The following PEAK1 variants were observed in gnomAD, a reference collection of about 807,000 sequenced individuals.
PEAK1 encodes the protein inactive tyrosine-protein kinase PEAK1.
PEAK1 carries 54 observed loss-of-function variants against 124.7 expected under a neutral mutation model. That is an observed-to-expected ratio of 0.43 (90% CI 0.35 to 0.54). The LOEUF (loss-of-function observed/expected upper bound fraction) is 0.54, where lower values mean the gene tolerates loss of function less well. PEAK1 is among the 20% of genes least tolerant of loss of function. The pLI is 0.01. For synonymous variants in PEAK1, 719 were observed against 760.0 expected, an observed-to-expected ratio of 0.95 and a Z score of 0.89; for missense variants, 2,046 against 2,134.5, an observed-to-expected ratio of 0.96 and a Z score of 0.82.
intron 6 of PEAK1, among the ~76,000 whole-genome samples, chr15:77,212,750 G>C (rs927475399): frequency 5.3e-5 from 8 of 152,126 alleles, no homozygotes; most frequent in African/African-American, 1.9e-4. Flanking sequence ...TATCTCAAAA[G>C]TCCTATGAAA....
chr15:77,350,393 G>GCAAGGACTATCACTGAA, intron 2 of PEAK1: 1 of 985,322 alleles, frequency 1.0e-6, no homozygotes, highest in South Asian at 4.7e-5. Flanking sequence ...TTTGTGCTCA[G>GCAAGGACTATCACTGAA]CAAGGACTAT....
In PEAK1 at chr15:77,255,980, G is replaced by A. The variant is rs566221473; in HGVS notation, c.-274-3454C>T. On this transcript the variant is annotated intron_variant, in intron 5 of 9. Coordinates refer to ENST00000682557, the MANE Select transcript of PEAK1 (RefSeq NM_001385026.1). ...TAGACACAGGTAATGCAGAAAAGAAGCTATTGTCTCAAGATTGTGAACTAA... is the reference window on the plus strand; with the variant it reads ...TAGACACAGGTAATGCAGAAAAGAAACTATTGTCTCAAGATTGTGAACTAA... Among the ~76,000 whole-genome samples, 66 of 152,212 alleles carry A rather than the reference G, an allele frequency of 4.3e-4. 1 individual carries two copies. In the South Asian group the frequency reaches 0.013, roughly 30 times the overall value.
At chr15:77,169,539 T>C (rs1395395742) in intron 7 of PEAK1, among the ~76,000 whole-genome samples, 1 of 152,100 alleles carries the variant, frequency 6.6e-6, no homozygotes, top group East Asian at 1.9e-4. Context: ...CCACTAAAAA[T>C]GGTATTTGTC....
chr15:77,414,701 T>C (rs1395749932), intron 1 of PEAK1, among the ~76,000 whole-genome samples: 1 of 152,222 alleles, frequency 6.6e-6, no homozygotes, highest in African/African-American at 2.4e-5. Flanking sequence ...AATAACAAAA[T>C]TGTTGAGTTA....
At chr15:77,304,402 C>T (rs2063957710) in intron 2 of PEAK1, among the ~76,000 whole-genome samples, 1 of 150,886 alleles carries the variant, frequency 6.6e-6, no homozygotes, top group Non-Finnish European at 1.5e-5. Flanking sequence ...TTTATCAGTG[C>T]CTTACAGTTT....
intron 5 of PEAK1, among the ~76,000 whole-genome samples, chr15:77,265,685 G>T (rs1446978357): frequency 6.6e-6 from 1 of 152,052 alleles, no homozygotes; most frequent in Admixed American, 6.6e-5. Context: ...AACCATTGTG[G>T]AAGTCAGTGT....
chr15:77,161,939 C>A, intron 7 of PEAK1, among the ~76,000 whole-genome samples: 2 of 125,890 alleles, frequency 1.6e-5, no homozygotes, highest in African/African-American at 3.1e-5. Flanking sequence ...GCACTCCAGC[C>A]TGGGTGACAG....
intron 1 of PEAK1, chr15:77,402,307 A>C (rs1044085461): frequency 8.1e-6 from 8 of 985,264 alleles, no homozygotes; most frequent in African/African-American, 1.7e-5. Flanking sequence ...ATATCTAGAC[A>C]TCGGGGAGAA....
At chr15:77,116,747 T>TA (rs2051424092) in intron 9 of PEAK1, among the ~76,000 whole-genome samples, 1 of 151,702 alleles carries the variant, frequency 6.6e-6, no homozygotes, top group East Asian at 1.9e-4. Context: ...TATCTATCTA[T>TA]CTATCTATAC....
At chr15:77,106,203 G>A (rs2050749033), downstream of PEAK1, 1 of 152,056 alleles carries the variant, frequency 6.6e-6, no homozygotes, top group Non-Finnish European at 1.5e-5. Context: ...CAGATGAACC[G>A]GGAGAGAAGG....
Position 77,115,092 on chromosome 15 carries a change from C to A in PEAK1, c.4305G>T (p.Lys1435Asn), listed in dbSNP as rs757135911. 2.5e-6 allele frequency: 4 copies of A among 1,614,150 alleles called. No individual in the cohort carries two copies. The highest frequency in any genetic ancestry group is 3.4e-6 in the Non-Finnish European group (4 of 1,180,026). The change falls in exon 10 of 10, where the codon AAG becomes AAT. Residue 1435 changes from lysine to asparagine, a missense_variant. Physicochemically the swap from Lys to Asn is moderately conservative, Grantham distance 94. Coordinates refer to ENST00000682557, the MANE Select transcript of PEAK1 (RefSeq NM_001385026.1). ...GGGATGATGCTGCTTCAGAACAGGG[C>A]TTTGGGTTTTTCCCATCCGTTTCTC... ...AKGETDGKNP[K>N]PCSEAASSQK...
chr15:77,176,394 G>A (rs1411309044), intron 7 of PEAK1, among the ~76,000 whole-genome samples: 1 of 151,722 alleles, frequency 6.6e-6, no homozygotes, highest in Non-Finnish European at 1.5e-5. Flanking sequence ...TTATAATGGT[G>A]GTGAGACCAG....
chr15:77,302,211 G>C (rs565601453), intron 2 of PEAK1, among the ~76,000 whole-genome samples: 3 of 152,280 alleles, frequency 2.0e-5, no homozygotes, highest in African/African-American at 7.2e-5. Flanking sequence ...GACTAGGTAT[G>C]ATAATTGCTA....
At chr15:77,368,754 G>GT (rs1459401487) in intron 1 of PEAK1, among the ~76,000 whole-genome samples, 1 of 152,182 alleles carries the variant, frequency 6.6e-6, no homozygotes, top group Admixed American at 6.5e-5. Context: ...CTTGTTTCAT[G>GT]TTCAGCAGTG....
intron 8 of PEAK1, among the ~76,000 whole-genome samples, chr15:77,149,828 T>C (rs1238372595): frequency 1.3e-5 from 2 of 152,118 alleles, no homozygotes; most frequent in African/African-American, 2.4e-5. Flanking sequence ...CAGTTCACTG[T>C]GTCCTTGACC....
chr15:77,308,933 C>G (rs1199435024), intron 2 of PEAK1, among the ~76,000 whole-genome samples: 1 of 151,842 alleles, frequency 6.6e-6, no homozygotes, highest in Non-Finnish European at 1.5e-5. Context: ...AATACAAAAT[C>G]AAAGCCAAAA....
intron 5 of PEAK1, among the ~76,000 whole-genome samples, chr15:77,278,937 A>G (rs571816582): frequency 1.4e-5 from 2 of 144,512 alleles, no homozygotes; most frequent in East Asian, 2.1e-4. Flanking sequence ...GGTTCAAGCC[A>G]TTCTCTAGCC....
Position 77,303,906 on chromosome 15 carries a change from T to A in PEAK1, c.-602-17402A>T, listed in dbSNP as rs139192295. On this transcript the variant is annotated intron_variant, in intron 2 of 9. Transcript: ENST00000682557. ...GTTAATTATTGCATAAATTATAAGG[T>A]CTGTGTCTAGGTTCAGTTTTGGATA... Among the ~76,000 whole-genome samples the A allele has an allele frequency of 9.5e-4, 145 of 152,352 alleles. 1 individual carries two copies. The East Asian group carries it at 0.027, about 28-fold the overall frequency.
intron 6 of PEAK1, among the ~76,000 whole-genome samples, chr15:77,245,086 A>G (rs1214706396): frequency 6.6e-6 from 1 of 152,102 alleles, no homozygotes; most frequent in Non-Finnish European, 1.5e-5. Context: ...TTCTTCCCCT[A>G]CTTCTACAAA....
Sources: allele counts gnomAD v4.1 joint callset (sites outside exome capture counted in the v4.1 genomes callset), GRCh38; gene constraint gnomAD v4.1.1; transcripts MANE v1.5; gene names NCBI Gene and HGNC (gene_info 2026-07-23, HGNC 2026-07-21).